Variants in HSPA8 observed in about 807,000 individuals in gnomAD.
HSPA8 encodes the protein heat shock cognate 71 kDa protein.
HSPA8 carries 2 observed loss-of-function variants against 52.8 expected under a neutral mutation model. That is an observed-to-expected ratio of 0.04 (90% CI 0.02 to 0.12). The LOEUF is 0.12. HSPA8 is among the 10% of genes least tolerant of loss of function. The pLI is 1.00. For missense variants in HSPA8, 349 were observed against 800.5 expected (o/e 0.44, Z 6.81); for synonymous variants, 436 against 274.0 (o/e 1.59, Z -5.84).
Position 123,060,448 on chromosome 11 carries a change from G to A in HSPA8, c.411+145C>T, listed in dbSNP as rs1865459691. 27 of 885,600 alleles carry A rather than the reference G, an allele frequency of 3.0e-5. No individual in the cohort carries two copies. The South Asian group carries it at 3.3e-4, about 11-fold the overall frequency. The allele number at this position is 885,600 out of a possible 1,614,324, so 54.9% of individuals were successfully genotyped here. A position where few individuals can be genotyped will look rare whatever the true frequency, so the allele number is the denominator to read the frequency against. ...GTGTTGACAGACCCATCTACCTAGA[G>A]AGCCTAGGGCACTGTTGGGCACGTG... On this transcript the variant is annotated intron_variant, in intron 3 of 8. Coordinates refer to ENST00000534624, the MANE Select transcript of HSPA8 (RefSeq NM_006597.6).
In HSPA8 at chr11:123,060,883, A is replaced by T. The variant is rs535655016; in HGVS notation, c.206-85T>A. On this transcript the variant is annotated intron_variant, in intron 2 of 8. Coordinates refer to ENST00000534624, the MANE Select transcript of HSPA8 (RefSeq NM_006597.6). ...GTCCATGATTACTCAAATACCTAAC[A>T]GTTCATAGGTAGGTGAATTCAACTA... 26 of 1,230,996 alleles carry T rather than the reference A, an allele frequency of 2.1e-5. No homozygotes were observed. The Admixed American group carries it at 3.3e-4, about 16-fold the overall frequency. The allele number at this position is 1,230,996 out of a possible 1,614,324, so 76.3% of individuals were successfully genotyped here.
rs1289729243 is a variant in HSPA8 at position 123,059,248 on chromosome 11, G to A, written c.1134C>T (p.Ala378=). The change falls in exon 6 of 9, where the codon GCC becomes GCT. Residue 378 remains alanine, a synonymous_variant. Coordinates refer to ENST00000534624, the MANE Select transcript of HSPA8 (RefSeq NM_006597.6). The part of the protein sequence containing the change: ...AVAYGAAVQA[A]ILSGDKSENV... ...TCTCAGACTTGTCTCCAGACAAGAT[G>A]GCTGCCTGGACAGCTAGCAAACAAA... is the stretch of plus-strand genomic sequence containing the variant. The A allele has an allele frequency of 6.2e-7, 1 of 1,612,628 alleles. No individual in the cohort carries two copies. Among genetic ancestry groups the A allele is most frequent in the South Asian group, 1.1e-5 (1 of 90,992 alleles).
intron 5 of HSPA8, 105 bp from the exon 6 acceptor site, chr11:123,059,366 C>T (rs770428004): frequency 3.0e-5 from 41 of 1,382,074 alleles, no homozygotes; most frequent in Non-Finnish European, 3.7e-5. Context: ...GTGTTGCCAT[C>T]ATTAGCCAAG....
In HSPA8 at chr11:123,060,109, T is replaced by A; in HGVS notation, c.564+7A>T. ...TAATCCGAACTTGCATCACAAATGG[T>A]ACATACCTTTTTGTCTAAGCCGTAA... On this transcript the variant is annotated splice_region_variant and intron_variant, in intron 4 of 8. Coordinates refer to ENST00000534624, the MANE Select transcript of HSPA8 (RefSeq NM_006597.6). 1 of 1,614,054 alleles carries A rather than the reference T, an allele frequency of 6.2e-7. No homozygotes were observed. Among genetic ancestry groups the A allele is most frequent in the South Asian group, 1.1e-5 (1 of 91,068 alleles).
At chr11:123,061,578 G>A (rs1865504040) in intron 1 of HSPA8, 3 of 541,208 alleles carry the variant, frequency 5.5e-6, no homozygotes, top group Non-Finnish European at 1.0e-5. Context: ...TGCTCAACAC[G>A]TGGTCTTACC....
intron 5 of HSPA8, 87 bp from the exon 6 acceptor site, chr11:123,059,348 C>A: frequency 1.4e-6 from 2 of 1,384,980 alleles, no homozygotes; most frequent in Middle Eastern, 1.8e-4. Flanking sequence ...CTCAGACATC[C>A]AAGGAAGGTG....
intron 1 of HSPA8, chr11:123,061,647 A>G (rs1307938221): frequency 2.4e-6 from 1 of 408,998 alleles, no homozygotes; most frequent in Non-Finnish European, 4.5e-6. Context: ...CCGGGAGTCA[A>G]CGGGCTTTTA....
rs768379355 is a variant in HSPA8 at position 123,059,304 on chromosome 11, C to T, written c.1121-43G>A. 6.5e-6 allele frequency: 10 copies of T among 1,532,464 alleles called. No individual in the cohort carries two copies. In the East Asian group the frequency reaches 1.6e-4, roughly 24 times the overall value. The allele number at this position is 1,532,464 out of a possible 1,614,324, so 94.9% of individuals were successfully genotyped here. On this transcript the variant is annotated intron_variant, in intron 5 of 8. Coordinates refer to ENST00000534624, the MANE Select transcript of HSPA8 (RefSeq NM_006597.6). ...AACGTTAAAAGAAGTTAAAAGAAAACCCAGTACATAGCTCCTGTTTTAACT... is the reference window on the plus strand; with the variant it reads ...AACGTTAAAAGAAGTTAAAAGAAAATCCAGTACATAGCTCCTGTTTTAACT...
intron 1 of HSPA8, 187 bp from the exon 2 acceptor site, chr11:123,061,516 A>C (rs895365382): frequency 9.9e-5 from 60 of 606,940 alleles, no homozygotes; most frequent in Admixed American, 4.6e-4. Flanking sequence ...TGCCAACCGC[A>C]GCAGAGCACG....
At chr11:123,058,135 A>T (rs942294673) in intron 8 of HSPA8, 117 bp downstream of exon 8, 4 of 774,396 alleles carry the variant, frequency 5.2e-6, no homozygotes, top group Admixed American at 2.6e-5. Context: ...GGAAACCGCG[A>T]ATGTTTTGGA....
intron 8 of HSPA8, 93 bp downstream of exon 8, chr11:123,058,159 T>A: frequency 2.3e-6 from 2 of 865,398 alleles, no homozygotes; most frequent in Admixed American, 2.2e-5. Flanking sequence ...TTCATCATTG[T>A]GACCCTACAC....
rs1865346593 is a variant in HSPA8, at chr11:123,057,716, C to G, written c.*18G>C. The G allele has an allele frequency of 6.3e-7, 1 of 1,586,894 alleles. No homozygotes were observed. The highest frequency in any genetic ancestry group is 1.8e-5 in the Admixed American group (1 of 54,574). On this transcript the variant is annotated 3_prime_UTR_variant, in exon 9 of 9. Transcript: ENST00000534624. Reference sequence around the variant, plus strand: ...GTTTTAAATGTGTGGAACAATGCTACATCTACACTTGGTTGGCTTAATCAA... The same window carrying G: ...GTTTTAAATGTGTGGAACAATGCTAGATCTACACTTGGTTGGCTTAATCAA...
chr11:123,059,834 G>A lies in HSPA8; in HGVS notation c.759C>T (p.Ile253=), dbSNP rs150964023. The A allele has an allele frequency of 3.2e-5, 52 of 1,613,616 alleles. No individual in the cohort carries two copies. In the African/African-American group the frequency reaches 6.0e-4, roughly 19 times the overall value. The change falls in exon 5 of 9, where the codon ATC becomes ATT. Residue 253 remains isoleucine (I), a synonymous_variant. Coordinates refer to ENST00000534624, the MANE Select transcript of HSPA8 (RefSeq NM_006597.6). The stretch of plus-strand genomic sequence containing the variant: ...GTCTTACAGCTCTCTTGTTCTCACT[G>A]ATGTCCTTCTTATGCTTGCGCTTAA... The part of the protein sequence containing the change: ...AEFKRKHKKD[I]SENKRAVRRL...
At position 123,058,791 on chromosome 11, in the gene HSPA8, G is replaced by A; in HGVS notation, c.1363C>T (p.Leu455=). The change falls in exon 7 of 9, where the codon CTG becomes TTG. Residue 455 remains leucine, a synonymous_variant. Transcript: ENST00000534624. The part of the protein sequence containing the change: ...GERAMTKDNN[L]LGKFELTGIP... ...CCTGTGAGTTCAAACTTGCCAAGCA[G>A]GTTGTTATCCTTTGTCATGGCACGC... 6.2e-7 allele frequency: 1 copy of A among 1,614,172 alleles called. No homozygotes were observed. The highest frequency in any genetic ancestry group is 8.5e-7 in the Non-Finnish European group (1 of 1,180,030).
intron 8 of HSPA8, 100 bp from the exon 9 acceptor site, chr11:123,058,019 TACAA>T: frequency 1.1e-6 from 1 of 943,456 alleles, no homozygotes; most frequent in South Asian, 1.6e-5. Flanking sequence ...CGCAAACTCT[TACAA>T]GAGGGCCACT....
chr11:123,060,449 A>C lies in HSPA8; in HGVS notation c.411+144T>G, dbSNP rs888920790. On this transcript the variant is annotated intron_variant, in intron 3 of 8. Transcript: ENST00000534624. ...TGTTGACAGACCCATCTACCTAGAGAGCCTAGGGCACTGTTGGGCACGTGG... is the reference window on the plus strand; with the variant it reads ...TGTTGACAGACCCATCTACCTAGAGCGCCTAGGGCACTGTTGGGCACGTGG... The C allele has an allele frequency of 1.5e-5, 13 of 879,750 alleles. No homozygotes were observed. The South Asian group carries it at 1.6e-4, about 11-fold the overall frequency. 54.5% of individuals were successfully genotyped at this position (879,750 alleles called of 1,614,324 possible). A position where few individuals can be genotyped will look rare whatever the true frequency, so the allele number is the denominator to read the frequency against.
chr11:123,060,285 G>C lies in HSPA8; in HGVS notation c.412-17C>G, dbSNP rs750895048. Reference sequence around the variant, plus strand: ...GGTAACAGTCTAGGAATAAGGAAAAGACCACAGATTGGTAACTATTATACT... The same window carrying C: ...GGTAACAGTCTAGGAATAAGGAAAACACCACAGATTGGTAACTATTATACT... On this transcript the variant is annotated splice_polypyrimidine_tract_variant and intron_variant, in intron 3 of 8. Coordinates refer to ENST00000534624, the MANE Select transcript of HSPA8 (RefSeq NM_006597.6). 3.7e-6 allele frequency: 6 copies of C among 1,610,588 alleles called. No individual in the cohort carries two copies. Among genetic ancestry groups the C allele is most frequent in the African/African-American group, 1.3e-5 (1 of 74,786 alleles).
chr11:123,057,715 A>G lies in HSPA8; in HGVS notation c.*19T>C. On this transcript the variant is annotated 3_prime_UTR_variant, in exon 9 of 9. Coordinates refer to ENST00000534624, the MANE Select transcript of HSPA8 (RefSeq NM_006597.6). The stretch of plus-strand genomic sequence containing the variant: ...TGTTTTAAATGTGTGGAACAATGCT[A>G]CATCTACACTTGGTTGGCTTAATCA... 6.3e-7 allele frequency: 1 copy of G among 1,582,766 alleles called. No individual in the cohort carries two copies. The highest frequency in any genetic ancestry group is 1.2e-5 in the South Asian group (1 of 86,864).
rs571204939 is a variant in HSPA8, at chr11:123,058,242, A to C, written c.1755+10T>G. The C allele has an allele frequency of 2.8e-5, 43 of 1,517,644 alleles. No individual in the cohort carries two copies. In the South Asian group the frequency reaches 4.1e-4, roughly 14 times the overall value. The allele number at this position is 1,517,644 out of a possible 1,614,324, so 94.0% of individuals were successfully genotyped here. ...GTGGGGGAGGAAAAAAAAAAAAAAA[A>C]AACACAAACCTGATTCTTATCAAGC... On this transcript the variant is annotated intron_variant, in intron 8 of 8. Coordinates refer to ENST00000534624, the MANE Select transcript of HSPA8 (RefSeq NM_006597.6).
Sources: allele counts gnomAD v4.1 joint callset, GRCh38; gene constraint gnomAD v4.1.1; transcripts MANE v1.5; gene names NCBI Gene and HGNC (gene_info 2026-07-23, HGNC 2026-07-21).